The following CTTN variants were observed in gnomAD, a reference collection of about 807,000 sequenced individuals.
The protein encoded by CTTN is src substrate cortactin.
A neutral mutation model predicts 84.0 loss-of-function variants in CTTN; 28 were observed. That is an observed-to-expected ratio of 0.33 (90% CI 0.25 to 0.46). CTTN has a LOEUF of 0.46. Ranked by LOEUF, CTTN falls within the 20% of genes least tolerant of loss-of-function variation. The pLI is 1.00. For missense variants in CTTN, 641 were observed against 723.8 expected (o/e 0.89, Z 1.31); for synonymous variants, 301 against 288.8 (o/e 1.04, Z -0.43).
chr11:70,434,453 A>G (rs903215412), intron 17 of CTTN, among the ~76,000 whole-genome samples: 8 of 152,232 alleles, frequency 5.3e-5, no homozygotes, highest in African/African-American at 1.9e-4. Context: ...GCAACTTTCC[A>G]TCAGCGCGGA....
At chr11:70,427,794 GTCA>G (rs1393236904) in intron 13 of CTTN, among the ~76,000 whole-genome samples, 1 of 152,230 alleles carries the variant, frequency 6.6e-6, no homozygotes, top group African/African-American at 2.4e-5. Context: ...CACATTTGCT[GTCA>G]TCATCTATTT....
At chr11:70,399,202 A>T (rs2057946636) in intron 1 of CTTN, among the ~76,000 whole-genome samples, 1 of 142,198 alleles carries the variant, frequency 7.0e-6, no homozygotes, top group African/African-American at 2.7e-5. Context: ...AGGGAAAGGG[A>T]TGAGGTCCGA....
At chr11:70,405,640 G>T (rs998514441) in intron 2 of CTTN, among the ~76,000 whole-genome samples, 1 of 152,144 alleles carries the variant, frequency 6.6e-6, no homozygotes, top group Admixed American at 6.5e-5. Flanking sequence ...CCATGAACAT[G>T]GGTGGGGCCC....
rs1472467543 is a variant in CTTN at position 70,436,539 on chromosome 11, T to TA, written c.*1380dup. 15 of 769,264 alleles carry TA rather than the reference T, an allele frequency of 1.9e-5. No individual in the cohort carries two copies. The highest frequency in any genetic ancestry group is 5.2e-4 in the Middle Eastern group (2 of 3,822). The allele number at this position is 769,264 out of a possible 1,614,324, so 47.7% of individuals were successfully genotyped here. On this transcript the variant is annotated 3_prime_UTR_variant, in exon 18 of 18. Transcript: ENST00000301843. ...GCACACCTCATAGGTATGATTTTTT[T>TA]AAATTAAAGAATTCAGAATAAACAT...
chr11:70,419,664 T>C, intron 8 of CTTN, 82 bp from the exon 9 acceptor site: 1 of 1,236,102 alleles, frequency 8.1e-7, no homozygotes, highest in East Asian at 2.4e-5. Context: ...GATTTTTGTT[T>C]TTTTAATCAA....
chr11:70,435,893 C>T lies in CTTN; in HGVS notation c.*731C>T. ...GCAGTGTCACTGAGTCCTTGAAATC[C>T]TCCCCTGCCCCGCGGGTCTCTGGAT... On this transcript the variant is annotated 3_prime_UTR_variant, in exon 18 of 18. Coordinates refer to ENST00000301843, the MANE Select transcript of CTTN (RefSeq NM_005231.4). 5.4e-6 allele frequency: 8 copies of T among 1,481,804 alleles called. 1 individual carries two copies. In the Middle Eastern group the frequency reaches 9.7e-4, roughly 180 times the overall value. The allele number at this position is 1,481,804 out of a possible 1,614,324, so 91.8% of individuals were successfully genotyped here. A position where few individuals can be genotyped will look rare whatever the true frequency, so the allele number is the denominator to read the frequency against.
At chr11:70,400,449 G>A (rs950548672) in intron 1 of CTTN, among the ~76,000 whole-genome samples, 5 of 151,906 alleles carry the variant, frequency 3.3e-5, no homozygotes, top group Non-Finnish European at 5.9e-5. Flanking sequence ...GTGACAGAGC[G>A]AGACCCTGTC....
chr11:70,419,912 A>G, intron 9 of CTTN, 56 bp downstream of exon 9: 1 of 1,350,356 alleles, frequency 7.4e-7, no homozygotes, highest in South Asian at 1.2e-5. Context: ...GACAGGTGGT[A>G]GCCACACCGG....
chr11:70,414,550 C>A lies in CTTN; in HGVS notation c.300C>A (p.Val100=), dbSNP rs574999868. The change falls in exon 6 of 18, where the codon GTC becomes GTA. Residue 100 remains valine (V), a synonymous_variant. Coordinates refer to ENST00000301843, the MANE Select transcript of CTTN (RefSeq NM_005231.4). ...TTTGAACCCTGTTCCAGTCAGCTGT[C>A]GGCCACGAATATCAGTCGAAACTTT... is the stretch of plus-strand genomic sequence containing the variant. ...VEQDRMDKSA[V]GHEYQSKLSK... 1 of 1,613,584 alleles carries A rather than the reference C, an allele frequency of 6.2e-7. No individual in the cohort carries two copies. The highest frequency in any genetic ancestry group is 1.1e-5 in the South Asian group (1 of 91,054).
chr11:70,419,212 G>A (rs954650333), intron 8 of CTTN, among the ~76,000 whole-genome samples: 2 of 150,948 alleles, frequency 1.3e-5, no homozygotes, highest in Non-Finnish European at 2.9e-5. Context: ...CTGGGTTCCA[G>A]TGATTCTTCT....
At chr11:70,422,623 G>A (rs779991970) in intron 11 of CTTN, 31 of 1,350,992 alleles carry the variant, frequency 2.3e-5, no homozygotes, top group Middle Eastern at 2.0e-4. Flanking sequence ...GAAGTGGCGC[G>A]TTGCAAAGGC....
At chr11:70,421,163 A>G (rs2058232064) in intron 10 of CTTN, among the ~76,000 whole-genome samples, 1 of 152,214 alleles carries the variant, frequency 6.6e-6, no homozygotes, top group African/African-American at 2.4e-5. Context: ...ACTCGTCTGC[A>G]GTGTGCGTAG....
Position 70,433,085 on chromosome 11 carries a change from T to C in CTTN, c.1267-16T>C, listed in dbSNP as rs747770436. 2 of 1,611,982 alleles carry C rather than the reference T, an allele frequency of 1.2e-6. No homozygotes were observed. The highest frequency in any genetic ancestry group is 2.2e-5 in the East Asian group (1 of 44,844). On this transcript the variant is annotated splice_polypyrimidine_tract_variant and intron_variant, in intron 15 of 17. Coordinates refer to ENST00000301843, the MANE Select transcript of CTTN (RefSeq NM_005231.4). ...CAGCATGGGCCCCGTGCCATGTGCG[T>C]GTGACCCTTCCCCAGGATGCGGCTT...
intron 1 of CTTN, among the ~76,000 whole-genome samples, chr11:70,404,786 T>C (rs866170091): frequency 1.3e-5 from 2 of 152,318 alleles, no homozygotes; most frequent in South Asian, 4.1e-4. Context: ...GCGGATCACC[T>C]GAGGTCGGGA....
chr11:70,431,384 G>C, intron 15 of CTTN, 104 bp downstream of exon 15: 2 of 1,230,464 alleles, frequency 1.6e-6, no homozygotes, highest in Non-Finnish European at 2.4e-6. Flanking sequence ...GTGTGGCGTG[G>C]GTGTAGAGGG....
At chr11:70,411,149 A>C (rs1449737961) in intron 5 of CTTN, among the ~76,000 whole-genome samples, 3 of 152,250 alleles carry the variant, frequency 2.0e-5, no homozygotes, top group Non-Finnish European at 4.4e-5. Flanking sequence ...GTAAACAGGC[A>C]GACGGACCCC....
chr11:70,421,761 G>T (rs1034946528), intron 11 of CTTN, 181 bp downstream of exon 11: 4 of 596,014 alleles, frequency 6.7e-6, no homozygotes, highest in Non-Finnish European at 1.2e-5. Context: ...ATTTTGAGTG[G>T]TTCACTTTCT....
At chr11:70,416,429 T>TTTTG (rs546985533) in intron 7 of CTTN, among the ~76,000 whole-genome samples, 2,003 of 152,056 alleles carry the variant, frequency 0.013, 25 homozygotes, top group Non-Finnish European at 0.021. Flanking sequence ...TTTCATTTTG[T>TTTTG]TTTGTTTGTT....
At chr11:70,416,947 T>G in intron 7 of CTTN, 66 bp from the exon 8 acceptor site, 1 of 1,164,772 alleles carries the variant, frequency 8.6e-7, no homozygotes, top group Non-Finnish European at 1.3e-6. Context: ...TTTTGCTTAG[T>G]TTAACAAAAG....
Sources: allele counts gnomAD v4.1 joint callset (sites outside exome capture counted in the v4.1 genomes callset), GRCh38; gene constraint gnomAD v4.1.1; transcripts MANE v1.5; gene names NCBI Gene and HGNC (gene_info 2026-07-23, HGNC 2026-07-21).